The following AGBL4 variants were observed in gnomAD, a reference collection of about 807,000 sequenced individuals.
The protein encoded by AGBL4 is AGBL carboxypeptidase 4.
Under a neutral mutation model 66.4 loss-of-function variants are expected in AGBL4, and 58 were observed. That is an observed-to-expected ratio of 0.87 (90% CI 0.71 to 1.09). AGBL4 has a LOEUF of 1.09. AGBL4 is among the 50% of genes least tolerant of loss of function. The pLI is 0.00. For synonymous variants in AGBL4, 234 were observed against 222.9 expected (o/e 1.05, Z -0.44); for missense variants, 579 against 631.0 (o/e 0.92, Z 0.88).
At chr1:49,648,169 G>A (rs769010350) in intron 3 of AGBL4, among the ~76,000 whole-genome samples, 1 of 151,944 alleles carries the variant, frequency 6.6e-6, no homozygotes, top group African/African-American at 2.4e-5. Context: ...AAAACTTTAA[G>A]AAAGAACAAC....
intron 3 of AGBL4, among the ~76,000 whole-genome samples, chr1:49,396,825 C>A (rs998880886): frequency 6.6e-6 from 1 of 152,132 alleles, no homozygotes; most frequent in Non-Finnish European, 1.5e-5. Flanking sequence ...TAAGATAGGG[C>A]TTCAATAAAT....
chr1:49,821,480 ACTTAC>A (rs1378144654), intron 2 of AGBL4, among the ~76,000 whole-genome samples: 2 of 152,220 alleles, frequency 1.3e-5, no homozygotes, highest in African/African-American at 4.8e-5. Flanking sequence ...CTACTGATAG[ACTTAC>A]CTTAACTACC....
intron 3 of AGBL4, among the ~76,000 whole-genome samples, chr1:49,573,724 G>A (rs984347117): frequency 1.3e-5 from 2 of 152,142 alleles, no homozygotes; most frequent in African/African-American, 4.8e-5. Context: ...TGGCTGGCCT[G>A]CAACAAAAGG....
chr1:48,527,522 A>G, the AGBL4 span, among the ~76,000 whole-genome samples: 88,695 of 151,164 alleles, frequency 0.59, 26,620 homozygotes, highest in East Asian at 0.85. Flanking sequence ...GCTTGAACCC[A>G]GGAGGCAGAG....
At chr1:48,615,651 A>G (rs320026) in intron 9 of AGBL4, among the ~76,000 whole-genome samples, 138,162 of 152,244 alleles carry the variant, frequency 0.91, 63,169 homozygotes, top group African/African-American at 0.98. Flanking sequence ...TGCTTTTCCT[A>G]TTTGCATTTA....
chr1:49,382,586 C>T (rs887420741), intron 3 of AGBL4, among the ~76,000 whole-genome samples: 1 of 152,006 alleles, frequency 6.6e-6, no homozygotes, highest in African/African-American at 2.4e-5. Context: ...AAAGCTTTCC[C>T]TCTAAAATTA....
At chr1:48,977,782 G>A (rs1296786939) in intron 5 of AGBL4, among the ~76,000 whole-genome samples, 1 of 152,046 alleles carries the variant, frequency 6.6e-6, no homozygotes, top group Non-Finnish European at 1.5e-5. Context: ...ACACAAATGG[G>A]AGCAAGAAAC....
chr1:48,762,614 TTGTGTG>T (rs58396843), intron 6 of AGBL4, among the ~76,000 whole-genome samples: 1,050 of 75,164 alleles, frequency 0.014, 9 homozygotes, highest in South Asian at 0.056. Flanking sequence ...TTTAAGGGTT[TTGTGTG>T]TGTGTGTGTG....
chr1:49,226,433 T>A (rs1385191005), intron 4 of AGBL4, among the ~76,000 whole-genome samples: 1 of 152,214 alleles, frequency 6.6e-6, no homozygotes, highest in African/African-American at 2.4e-5. Context: ...ATGGAAAGCA[T>A]CACATCTCTG....
At chr1:48,552,217 C>A (rs1644259335) in intron 11 of AGBL4, among the ~76,000 whole-genome samples, 1 of 152,068 alleles carries the variant, frequency 6.6e-6, no homozygotes, top group South Asian at 2.1e-4. Flanking sequence ...GTGTGTGCCA[C>A]CATGCCCGGC....
At chr1:48,695,554 C>T (rs1291820296) in intron 6 of AGBL4, among the ~76,000 whole-genome samples, 1 of 152,136 alleles carries the variant, frequency 6.6e-6, no homozygotes, top group Admixed American at 6.5e-5. Context: ...ACACCTTTCC[C>T]CACCCCCTCC....
chr1:48,579,878 A>ACT (rs1190968377), intron 11 of AGBL4, among the ~76,000 whole-genome samples: 1 of 147,076 alleles, frequency 6.8e-6, no homozygotes, highest in Non-Finnish European at 1.5e-5. Flanking sequence ...AGATCGTGCC[A>ACT]CTGCACTCCA....
chr1:48,878,987 T>C (rs1380078808), intron 5 of AGBL4, among the ~76,000 whole-genome samples: 2 of 152,102 alleles, frequency 1.3e-5, no homozygotes, highest in African/African-American at 2.4e-5. Context: ...TACAAAAAAT[T>C]GCCAGCTTGA....
At chr1:49,843,425 C>G (rs1445540432) in intron 2 of AGBL4, among the ~76,000 whole-genome samples, 1 of 152,120 alleles carries the variant, frequency 6.6e-6, no homozygotes, top group South Asian at 2.1e-4. Context: ...AGGCATGAGG[C>G]CCTGTGCCTG....
At chr1:49,372,899 T>C (rs1644395882) in intron 3 of AGBL4, among the ~76,000 whole-genome samples, 1 of 151,856 alleles carries the variant, frequency 6.6e-6, no homozygotes, top group Admixed American at 6.6e-5. Flanking sequence ...GCTGGGACTA[T>C]AGGCTCTCAC....
chr1:49,068,211 T>A (rs1423384473), intron 4 of AGBL4, among the ~76,000 whole-genome samples: 1 of 152,130 alleles, frequency 6.6e-6, no homozygotes, highest in Non-Finnish European at 1.5e-5. Context: ...TCTTTTTTAA[T>A]TTTTAGAAAT....
chr1:48,816,574 G>A (rs1178200869), intron 6 of AGBL4, among the ~76,000 whole-genome samples: 3 of 152,186 alleles, frequency 2.0e-5, no homozygotes, highest in Admixed American at 2.0e-4. Context: ...GGAAATGCCA[G>A]CCTGTAACCC....
At chr1:49,723,575 A>T (rs1273292507) in intron 2 of AGBL4, among the ~76,000 whole-genome samples, 1 of 152,096 alleles carries the variant, frequency 6.6e-6, no homozygotes, top group Non-Finnish European at 1.5e-5. Flanking sequence ...GCTATTCCAC[A>T]GTTATGAGCC....
At chr1:49,075,204 T>C (rs1644687362) in intron 4 of AGBL4, among the ~76,000 whole-genome samples, 1 of 152,146 alleles carries the variant, frequency 6.6e-6, no homozygotes, top group African/African-American at 2.4e-5. Context: ...CAGAAATGCA[T>C]ATAATACAAA....
Sources: gnomAD v4.1 joint callset for allele counts (sites outside exome capture counted in the v4.1 genomes callset) on GRCh38, gnomAD v4.1.1 for gene constraint, MANE v1.5 for transcripts, NCBI Gene and HGNC (gene_info 2026-07-23, HGNC 2026-07-21) for gene names.